SUPT3H: variants seen among roughly 807,000 people sequenced by gnomAD.
The protein encoded by SUPT3H is SPT3 homolog, SAGA and STAGA complex component.
SUPT3H carries 44 observed loss-of-function variants against 44.3 expected under a neutral mutation model. That is an observed-to-expected ratio of 0.99 (90% CI 0.78 to 1.28). The LOEUF (loss-of-function observed/expected upper bound fraction) is 1.28, where lower values mean the gene tolerates loss of function less well. SUPT3H is among the 50% of genes most tolerant of loss of function. SUPT3H has a pLI of 0.00. For missense variants in SUPT3H, 380 were observed against 387.1 expected (o/e 0.98, Z 0.15); for synonymous variants, 124 against 125.6 (o/e 0.99, Z 0.09).
At position 44,961,844 on chromosome 6, in the gene SUPT3H, A is replaced by C; in HGVS notation, c.505-16T>G. The C allele has an allele frequency of 6.4e-7, 1 of 1,570,514 alleles. No homozygotes were observed. The highest frequency in any genetic ancestry group is 1.2e-5 in the South Asian group (1 of 86,576). ...TTTCTGCTCTCTAAAAGATAAAAAT[A>C]CATAACATTTTTTAAAGCAAGCAGA... On this transcript the variant is annotated splice_polypyrimidine_tract_variant and intron_variant, in intron 6 of 10. Coordinates refer to ENST00000371459, the MANE Select transcript of SUPT3H (RefSeq NM_003599.4).
At chr6:45,005,870 T>C (rs1210760524) in intron 5 of SUPT3H, among the ~76,000 whole-genome samples, 1 of 152,276 alleles carries the variant, frequency 6.6e-6, no homozygotes, top group East Asian at 1.9e-4. Context: ...ATTTTACAAT[T>C]AAGTTTTGTA....
intron 2 of SUPT3H, among the ~76,000 whole-genome samples, chr6:45,107,080 G>C (rs1479841574): frequency 1.3e-5 from 2 of 152,126 alleles, no homozygotes; most frequent in African/African-American, 4.8e-5. Context: ...GATTAAAAAG[G>C]CTGGCCTTAG....
At chr6:45,141,254 C>A (rs1352093709) in intron 2 of SUPT3H, among the ~76,000 whole-genome samples, 1 of 137,634 alleles carries the variant, frequency 7.3e-6, no homozygotes, top group Non-Finnish European at 1.5e-5. Flanking sequence ...ACAGGAGAAT[C>A]ACTTGAACCC....
chr6:45,188,652 C>T (rs534636720), intron 2 of SUPT3H, among the ~76,000 whole-genome samples: 2 of 152,118 alleles, frequency 1.3e-5, no homozygotes, highest in Admixed American at 6.6e-5. Context: ...ATGTAATCCA[C>T]CATGTCTACA....
intron 11 of SUPT3H, among the ~76,000 whole-genome samples, chr6:44,813,372 G>A (rs547348613): frequency 5.3e-5 from 8 of 152,006 alleles, no homozygotes; most frequent in East Asian, 1.9e-4. Flanking sequence ...TTTTTGTAGC[G>A]ATGGGGTCTT....
intron 6 of SUPT3H, among the ~76,000 whole-genome samples, chr6:44,983,005 C>G (rs1260215480): frequency 6.6e-6 from 1 of 152,064 alleles, no homozygotes; most frequent in Non-Finnish European, 1.5e-5. Flanking sequence ...TTAAATCTGT[C>G]TTTTTAAGAT....
intron 2 of SUPT3H, among the ~76,000 whole-genome samples, chr6:45,139,812 C>A (rs1484607657): frequency 6.6e-6 from 1 of 152,108 alleles, no homozygotes. Flanking sequence ...AAGCAGACAG[C>A]GTACTTAGGG....
chr6:45,160,133 C>T (rs370997449), intron 2 of SUPT3H, among the ~76,000 whole-genome samples: 3 of 152,102 alleles, frequency 2.0e-5, no homozygotes, highest in South Asian at 2.1e-4. Flanking sequence ...ACAAGGATAC[C>T]GAAATGTTTC....
intron 2 of SUPT3H, among the ~76,000 whole-genome samples, chr6:45,170,247 A>G (rs983091851): frequency 6.6e-6 from 1 of 152,250 alleles, no homozygotes; most frequent in African/African-American, 2.4e-5. Flanking sequence ...TCATTTCTGA[A>G]TAATTCTATA....
intron 9 of SUPT3H, among the ~76,000 whole-genome samples, chr6:44,933,435 G>A (rs1770913451): frequency 6.6e-6 from 1 of 152,168 alleles, no homozygotes; most frequent in Admixed American, 6.5e-5. Context: ...ATGTGTATAT[G>A]TGTGTTCAGC....
At chr6:45,017,964 C>G (rs1020380060) in intron 4 of SUPT3H, among the ~76,000 whole-genome samples, 5 of 151,020 alleles carry the variant, frequency 3.3e-5, no homozygotes, top group African/African-American at 1.2e-4. Flanking sequence ...GATATTGATT[C>G]TTCCTACCCA....
intron 2 of SUPT3H, among the ~76,000 whole-genome samples, chr6:45,192,784 T>C (rs1815356746): frequency 1.3e-5 from 2 of 151,894 alleles, no homozygotes; most frequent in African/African-American, 4.8e-5. Context: ...CTAAAGCAGA[T>C]CCCTACTGCA....
intron 2 of SUPT3H, among the ~76,000 whole-genome samples, chr6:45,287,522 T>C (rs988074043): frequency 6.6e-5 from 10 of 152,174 alleles, no homozygotes; most frequent in Admixed American, 2.0e-4. Flanking sequence ...TATTGCATGA[T>C]TCTACTTATA....
In SUPT3H at chr6:45,119,842, TA is replaced by T. The variant is rs551997625; in HGVS notation, c.102-13837del. Among the ~76,000 whole-genome samples the T allele has an allele frequency of 3.3e-5, 5 of 152,270 alleles. No homozygotes were observed. In the East Asian group the frequency reaches 7.7e-4, roughly 23 times the overall value. ...TCAAAAAGGAACCAGATTAATGATT[TA>T]TTTTTTTTAAAGGCAGCAAATACTT... On this transcript the variant is annotated intron_variant, in intron 2 of 10. Transcript: ENST00000371459.
rs76205572 is a variant in SUPT3H, at chr6:45,189,886, A to C, written c.102-83880T>G. Reference sequence around the variant, plus strand: ...TTTTAATAAGCATAGGATTGGAAACAGTTTCTGAAAAGTTACCACAGAAAA... The same window carrying C: ...TTTTAATAAGCATAGGATTGGAAACCGTTTCTGAAAAGTTACCACAGAAAA... On this transcript the variant is annotated intron_variant, in intron 2 of 10. Coordinates refer to ENST00000371459, the MANE Select transcript of SUPT3H (RefSeq NM_003599.4). Among the ~76,000 whole-genome samples, 390 of 152,342 alleles carry C rather than the reference A, an allele frequency of 2.6e-3. 3 individuals carry two copies. The highest frequency in any genetic ancestry group is 8.6e-3 in the African/African-American group (356 of 41,590).
In SUPT3H at chr6:44,837,979, C is replaced by T. The variant is rs1158032071; in HGVS notation, c.913-8122G>A. On this transcript the variant is annotated intron_variant, in intron 10 of 10. Transcript: ENST00000371459. ...CTCAATGGCCTTTGCCACATTAAAACACCATACAAGGAGTAAGAACACAGA... is the reference window on the plus strand; with the variant it reads ...CTCAATGGCCTTTGCCACATTAAAATACCATACAAGGAGTAAGAACACAGA... Among the ~76,000 whole-genome samples, 3 of 152,160 alleles carry T rather than the reference C, an allele frequency of 2.0e-5. No homozygotes were observed. The East Asian group carries it at 5.8e-4, about 29-fold the overall frequency.
chr6:45,279,124 C>T (rs1364586851), intron 2 of SUPT3H, among the ~76,000 whole-genome samples: 1 of 152,120 alleles, frequency 6.6e-6, no homozygotes, highest in East Asian at 1.9e-4. Context: ...TTAACTACAA[C>T]TTTTATTATT....
intron 3 of SUPT3H, among the ~76,000 whole-genome samples, chr6:45,025,760 G>A (rs1473227203): frequency 6.6e-6 from 1 of 151,974 alleles, no homozygotes; most frequent in East Asian, 1.9e-4. Flanking sequence ...GTGGGCGCCT[G>A]TAGTCTCAGC....
chr6:44,879,230 C>T (rs1157602290), intron 10 of SUPT3H, among the ~76,000 whole-genome samples: 2 of 152,150 alleles, frequency 1.3e-5, no homozygotes, highest in East Asian at 3.9e-4. Context: ...GACATTCGAG[C>T]TTGGTGGTGG....
Sources: allele counts gnomAD v4.1 joint callset (sites outside exome capture counted in the v4.1 genomes callset), GRCh38; gene constraint gnomAD v4.1.1; transcripts MANE v1.5; gene names NCBI Gene and HGNC (gene_info 2026-07-23, HGNC 2026-07-21).